EPB41L3: variants seen among roughly 807,000 people sequenced by gnomAD.
EPB41L3 encodes the protein band 4.1-like protein 3.
Under a neutral mutation model 127.1 loss-of-function variants are expected in EPB41L3, and 57 were observed. That is an observed-to-expected ratio of 0.45 (90% CI 0.36 to 0.56). The LOEUF (loss-of-function observed/expected upper bound fraction) is 0.56, where lower values mean the gene tolerates loss of function less well. Ranked by LOEUF, EPB41L3 falls within the 20% of genes least tolerant of loss-of-function variation. The pLI is 0.00. For missense variants in EPB41L3, 1,273 were observed against 1,372.2 expected (o/e 0.93, Z 1.14); for synonymous variants, 572 against 549.5 (o/e 1.04, Z -0.57).
intron 3 of EPB41L3, among the ~76,000 whole-genome samples, chr18:5,470,408 A>T (rs991580288): frequency 1.3e-5 from 2 of 152,254 alleles, no homozygotes; most frequent in Non-Finnish European, 2.9e-5. Context: ...TCTTTTGTAC[A>T]CAATGTGGTA....
intron 1 of EPB41L3, among the ~76,000 whole-genome samples, chr18:5,510,480 T>C (rs1396510599): frequency 1.3e-5 from 2 of 152,166 alleles, no homozygotes; most frequent in African/African-American, 2.4e-5. Flanking sequence ...GGCTGGGTAA[T>C]TGTTTTCAAA....
intron 9 of EPB41L3, among the ~76,000 whole-genome samples, chr18:5,426,760 A>G (rs2078241462): frequency 6.6e-6 from 1 of 152,252 alleles, no homozygotes; most frequent in South Asian, 2.1e-4. Flanking sequence ...CTTAACAAGG[A>G]ACAAGGTCAT....
At chr18:5,437,267 G>C (rs1045822348) in intron 6 of EPB41L3, among the ~76,000 whole-genome samples, 2 of 152,172 alleles carry the variant, frequency 1.3e-5, no homozygotes, top group African/African-American at 4.8e-5. Context: ...AGGCTGGAGA[G>C]AGAGAGACCC....
At chr18:5,506,026 C>T (rs1425009651) in intron 1 of EPB41L3, among the ~76,000 whole-genome samples, 1 of 151,612 alleles carries the variant, frequency 6.6e-6, no homozygotes, top group Non-Finnish European at 1.5e-5. Context: ...CTCCACCCCT[C>T]CCTGCCACAC....
intron 3 of EPB41L3, among the ~76,000 whole-genome samples, chr18:5,595,558 G>A (rs1196325451): frequency 6.6e-6 from 1 of 152,178 alleles, no homozygotes; most frequent in Non-Finnish European, 1.5e-5. Context: ...CCTGGCAGAA[G>A]GAATCTGTTG....
chr18:5,395,773 G>T (rs182736350), intron 19 of EPB41L3, 66 bp from the exon 20 acceptor site: 10 of 1,220,744 alleles, frequency 8.2e-6, no homozygotes, highest in Non-Finnish European at 1.2e-6. Context: ...AGTTGGCTAC[G>T]TTATTTAAGG....
chr18:5,451,713 A>G (rs1395223601), intron 3 of EPB41L3, among the ~76,000 whole-genome samples: 1 of 152,230 alleles, frequency 6.6e-6, no homozygotes, highest in Non-Finnish European at 1.5e-5. Context: ...GTAAGCAATG[A>G]CACCGAAGCA....
At chr18:5,472,432 T>C (rs974882932) in intron 3 of EPB41L3, among the ~76,000 whole-genome samples, 4 of 152,086 alleles carry the variant, frequency 2.6e-5, no homozygotes, top group African/African-American at 9.7e-5. Flanking sequence ...ACGCGATGGA[T>C]GGTTTGATGT....
chr18:5,525,507 G>A (rs2093186367), intron 1 of EPB41L3, among the ~76,000 whole-genome samples: 3 of 152,174 alleles, frequency 2.0e-5, no homozygotes, highest in Non-Finnish European at 4.4e-5. Context: ...GACATTAAGT[G>A]ATACTAAAGA....
intron 1 of EPB41L3, among the ~76,000 whole-genome samples, chr18:5,515,937 T>C (rs532215473): frequency 1.3e-5 from 2 of 152,288 alleles, no homozygotes; most frequent in African/African-American, 2.4e-5. Context: ...TGCACACAGA[T>C]CCTCCTCACT....
rs2079387198 is a variant in EPB41L3 at position 5,434,114 on chromosome 18, G to C, written c.613C>G (p.Leu205Val). Residue 205 changes from leucine (L) to valine (V), a missense_variant, in exon 7 of 23, where the codon CTC becomes GTC. Leu to Val is a conservative substitution (Grantham distance 32, BLOSUM62 1). Around this residue, in one of 3 missense-constraint regions of EPB41L3, gnomAD observed 326 missense variants for 440.2 expected, o/e 0.74. Transcript: ENST00000341928. ...QLSEDITRYY[L>V]CLQLRDDIVS... The stretch of plus-strand genomic sequence containing the variant: ...ATGTCATCTCGCAACTGCAAGCAGA[G>C]GTAGTACCTTCCAGGAACCAAAAGC... 5.6e-6 allele frequency: 9 copies of C among 1,614,004 alleles called. No homozygotes were observed. Among genetic ancestry groups the C allele is most frequent in the Non-Finnish European group, 6.8e-6 (8 of 1,179,948 alleles).
chr18:5,610,321 T>A lies in EPB41L3; in HGVS notation c.-306+2019A>T, dbSNP rs147266027. The stretch of plus-strand genomic sequence containing the variant: ...CCCATTCTGAGCACGAGAATGACAC[T>A]TCCCTCCTTTCTAGAAGCCACCCCA... On this transcript the variant is annotated intron_variant, in intron 3 of 21. Transcript: ENST00000545076. 6.1e-6 allele frequency: 6 copies of A among 984,938 alleles called. No individual in the cohort carries two copies. In the East Asian group the frequency reaches 6.8e-4, roughly 112 times the overall value. 61.0% of individuals were successfully genotyped at this position (984,938 alleles called of 1,614,324 possible).
upstream of EPB41L3, chr18:5,544,251 C>G: frequency 1.0e-6 from 1 of 985,756 alleles, no homozygotes; most frequent in African/African-American, 1.7e-5. Flanking sequence ...CGCCTGGAGA[C>G]AGCTGCCAAT....
intron 2 of EPB41L3, among the ~76,000 whole-genome samples, chr18:5,488,509 C>G (rs1467752026): frequency 1.3e-5 from 2 of 151,290 alleles, no homozygotes; most frequent in Admixed American, 1.3e-4. Context: ...CACGTGTATA[C>G]CTATGTAACA....
rs1431072506 is a variant in EPB41L3 at position 5,434,125 on chromosome 18, C to T, written c.606-4G>A. 2 of 1,613,290 alleles carry T rather than the reference C, an allele frequency of 1.2e-6. No homozygotes were observed. Among genetic ancestry groups the T allele is most frequent in the African/African-American group, 1.3e-5 (1 of 74,856 alleles). On this transcript the variant is annotated splice_polypyrimidine_tract_variant and splice_region_variant and intron_variant, in intron 6 of 22. Transcript: ENST00000341928. ...CAACTGCAAGCAGAGGTAGTACCTT[C>T]CAGGAACCAAAAGCACAACACAACG...
At position 5,488,895 on chromosome 18, in the gene EPB41L3, C is replaced by G. The variant is rs780393090; in HGVS notation, c.183+106G>C. 73 of 1,227,192 alleles carry G rather than the reference C, an allele frequency of 5.9e-5. 1 individual carries two copies. Among genetic ancestry groups the G allele is most frequent in the Non-Finnish European group, 7.9e-5 (72 of 916,234 alleles). The allele number at this position is 1,227,192 out of a possible 1,614,324, so 76.0% of individuals were successfully genotyped here. Reference sequence around the variant, plus strand: ...CTGCCTGGGGCTAGAAGGGGAACAGCAGATGACCCCTCATAGCTGCCTCTA... The same window carrying G: ...CTGCCTGGGGCTAGAAGGGGAACAGGAGATGACCCCTCATAGCTGCCTCTA... On this transcript the variant is annotated intron_variant, in intron 2 of 22. Transcript: ENST00000341928.
intron 11 of EPB41L3, among the ~76,000 whole-genome samples, chr18:5,421,460 G>A (rs1169652963): frequency 6.6e-6 from 1 of 152,128 alleles, no homozygotes; most frequent in African/African-American, 2.4e-5. Flanking sequence ...TCTTAATTCA[G>A]CTCGAAACAG....
chr18:5,622,706 G>A (rs1480039586), intron 1 of EPB41L3, among the ~76,000 whole-genome samples: 1 of 152,182 alleles, frequency 6.6e-6, no homozygotes, highest in Admixed American at 6.5e-5. Context: ...AGCAGCAACT[G>A]CTTTTAAATT....
At chr18:5,601,114 G>A (rs982061235) in intron 3 of EPB41L3, among the ~76,000 whole-genome samples, 5 of 152,190 alleles carry the variant, frequency 3.3e-5, no homozygotes, top group Admixed American at 6.5e-5. Flanking sequence ...CAGATATATA[G>A]GAATATGCAG....
Sources: gnomAD v4.1 joint callset for allele counts (sites outside exome capture counted in the v4.1 genomes callset) on GRCh38, gnomAD v4.1.1 for gene constraint, gnomAD v4.1.1 regional missense constraint, MANE v1.5 for transcripts, NCBI Gene and HGNC (gene_info 2026-07-23, HGNC 2026-07-21) for gene names.